Variants in OPHN1 observed in about 807,000 individuals in gnomAD.
OPHN1 encodes the protein oligophrenin-1.
OPHN1 carries 11 observed loss-of-function variants against 60.7 expected under a neutral mutation model. The ratio of observed to expected loss-of-function variants is 0.18; its 90% CI spans 0.11 to 0.30. The LOEUF is 0.30. OPHN1 is among the 10% of genes least tolerant of loss of function. The pLI, the probability that OPHN1 is intolerant of heterozygous loss-of-function variation, is 1.00. For missense variants in OPHN1, 449 were observed against 611.0 expected (o/e 0.73, Z 2.80); for synonymous variants, 226 against 222.6 (o/e 1.02, Z -0.14).
intron 2 of OPHN1, among the ~76,000 whole-genome samples, chrX:68,426,549 G>GTT (rs201434805): frequency 0.25 from 4,658 of 18,457 alleles, 325 homozygotes; most frequent in Middle Eastern, 0.58. Flanking sequence ...TCTGACATCT[G>GTT]TTTTATATAT....
intron 6 of OPHN1, among the ~76,000 whole-genome samples, chrX:68,228,452 C>CA (rs755606899): frequency 1.4e-4 from 15 of 104,100 alleles, no homozygotes; most frequent in Non-Finnish European, 2.4e-4. Flanking sequence ...AGAGACACAA[C>CA]AAAAAAAAAA....
At chrX:68,198,938 C>T (rs73528477) in intron 11 of OPHN1, among the ~76,000 whole-genome samples, 1,758 of 111,482 alleles carry the variant, frequency 0.016, 36 homozygotes, top group African/African-American at 0.055. Flanking sequence ...ACTTCCACAG[C>T]CATCTTGAAT....
At chrX:68,426,506 C>A (rs1204291195) in intron 2 of OPHN1, among the ~76,000 whole-genome samples, 5 of 76,921 alleles carry the variant, frequency 6.5e-5, no homozygotes, top group Non-Finnish European at 1.4e-4. Context: ...TGGTTGTGCA[C>A]GTATATATGT....
At chrX:68,231,262 G>C (rs935200953) in intron 6 of OPHN1, among the ~76,000 whole-genome samples, 4 of 111,702 alleles carry the variant, frequency 3.6e-5, no homozygotes, top group African/African-American at 1.3e-4. Context: ...GGTGCAAAAG[G>C]AACTGTGATT....
At chrX:68,427,226 G>A (rs2078864619) in intron 2 of OPHN1, among the ~76,000 whole-genome samples, 2 of 107,181 alleles carry the variant, frequency 1.9e-5, no homozygotes, top group South Asian at 8.2e-4. Flanking sequence ...CCGAGATTGC[G>A]CCACTGCACT....
intron 2 of OPHN1, among the ~76,000 whole-genome samples, chrX:68,411,138 C>A (rs2078767243): frequency 3.4e-5 from 1 of 29,715 alleles, no homozygotes; most frequent in Non-Finnish European, 1.9e-4. Context: ...GTAGCTGGTG[C>A]TTTTATTTTT....
intron 10 of OPHN1, 33 bp from the exon 11 acceptor site, chrX:68,201,743 T>TA (rs752905150): frequency 1.6e-5 from 18 of 1,117,360 alleles, no homozygotes; most frequent in South Asian, 7.3e-5. Flanking sequence ...AGGCAATTTT[T>TA]AAAAAAAGAC....
intron 20 of OPHN1, among the ~76,000 whole-genome samples, chrX:68,069,462 C>T (rs2076925193): frequency 9.0e-6 from 1 of 111,478 alleles, no homozygotes; most frequent in African/African-American, 3.3e-5. Context: ...TGAATGCCAG[C>T]TCACCTCCTC....
chrX:68,334,947 G>A (rs938175656), intron 2 of OPHN1, among the ~76,000 whole-genome samples: 2 of 109,700 alleles, frequency 1.8e-5, no homozygotes, highest in African/African-American at 6.6e-5. Flanking sequence ...TTGCACTCCA[G>A]CTTGGGCGAC....
intron 19 of OPHN1, among the ~76,000 whole-genome samples, chrX:68,093,715 C>A (rs899604579): frequency 9.0e-6 from 1 of 111,458 alleles, no homozygotes; most frequent in Admixed American, 9.5e-5. Flanking sequence ...TTAATTGCCA[C>A]GCATACGTCA....
chrX:68,377,720 G>T (rs1209751774), intron 2 of OPHN1, among the ~76,000 whole-genome samples: 2 of 110,065 alleles, frequency 1.8e-5, no homozygotes. Flanking sequence ...TGAGAATGAT[G>T]ATTTCCAGTT....
In OPHN1 at chrX:68,271,027, T is replaced by C. The variant is rs945281693; in HGVS notation, c.384+3711A>G. Among the ~76,000 whole-genome samples, 65 of 111,223 alleles carry C rather than the reference T, an allele frequency of 5.8e-4. 1 individual carries two copies. The highest frequency in any genetic ancestry group is 2.1e-3 in the African/African-American group (65 of 30,653). On this transcript the variant is annotated intron_variant, in intron 5 of 24. Transcript: ENST00000355520. ...CAAATGAGAACTGGATATGTATGAG[T>C]AAGGGCCTAATATAGCACCTATCAC...
At position 68,078,811 on chromosome X, in the gene OPHN1, C is replaced by T. The variant is rs191897282; in HGVS notation, c.1687-5512G>A. Among the ~76,000 whole-genome samples the T allele has an allele frequency of 3.1e-3, 343 of 109,419 alleles. 1 individual carries two copies. Among genetic ancestry groups the T allele is most frequent in the Non-Finnish European group, 5.6e-3 (295 of 52,636 alleles). ...GACAAGCCTGGCCAACATGGTGAAACCCTAGCTCTATTAATAGTACAAAAA... is the reference window on the plus strand; with the variant it reads ...GACAAGCCTGGCCAACATGGTGAAATCCTAGCTCTATTAATAGTACAAAAA... On this transcript the variant is annotated intron_variant, in intron 19 of 24. Transcript: ENST00000355520.
chrX:68,410,143 A>C (rs1251475756), intron 2 of OPHN1, among the ~76,000 whole-genome samples: 3 of 112,072 alleles, frequency 2.7e-5, no homozygotes, highest in Non-Finnish European at 3.8e-5. Flanking sequence ...TTAAAAATAG[A>C]ATTACTATAT....
intron 2 of OPHN1, among the ~76,000 whole-genome samples, chrX:68,407,719 C>T (rs1420270396): frequency 8.9e-6 from 1 of 111,759 alleles, no homozygotes; most frequent in Non-Finnish European, 1.9e-5. Flanking sequence ...ATGTCCTCTA[C>T]TATAAATTAG....
intron 2 of OPHN1, among the ~76,000 whole-genome samples, chrX:68,390,238 C>T (rs766345277): frequency 1.9e-4 from 21 of 111,287 alleles, no homozygotes; most frequent in Admixed American, 6.7e-4. Context: ...TATATCAGTA[C>T]GTAAAGCACT....
intron 2 of OPHN1, among the ~76,000 whole-genome samples, chrX:68,403,472 T>C (rs763372997): frequency 3.6e-4 from 40 of 111,479 alleles, no homozygotes; most frequent in African/African-American, 1.2e-3. Flanking sequence ...TTTTTTGGAA[T>C]TGCTACTCTT....
chrX:68,181,681 A>G (rs2077437637), intron 15 of OPHN1, among the ~76,000 whole-genome samples: 1 of 111,179 alleles, frequency 9.0e-6, no homozygotes, highest in Non-Finnish European at 1.9e-5. Context: ...AAAAAAAATT[A>G]GCCGGGCATG....
intron 18 of OPHN1, among the ~76,000 whole-genome samples, chrX:68,101,438 A>G (rs1289039876): frequency 2.7e-5 from 3 of 112,286 alleles, no homozygotes; most frequent in Non-Finnish European, 5.6e-5. Context: ...TTTGAGAAAA[A>G]GTGTTATTAG....
Sources: allele counts gnomAD v4.1 joint callset (sites outside exome capture counted in the v4.1 genomes callset), GRCh38; gene constraint gnomAD v4.1.1; transcripts MANE v1.5; gene names NCBI Gene and HGNC (gene_info 2026-07-23, HGNC 2026-07-21).